Variants in MFAP1 observed in about 807,000 individuals in gnomAD.
The protein encoded by MFAP1 is microfibrillar-associated protein 1.
Under a neutral mutation model 62.2 loss-of-function variants are expected in MFAP1, and 18 were observed. That is an observed-to-expected ratio of 0.29 (90% CI 0.20 to 0.43). The LOEUF is 0.43. MFAP1 is among the 20% of genes least tolerant of loss of function. MFAP1 has a pLI of 1.00. For synonymous variants in MFAP1, 175 were observed against 180.4 expected, an observed-to-expected ratio of 0.97 and a Z score of 0.24; for missense variants, 355 against 559.7, an observed-to-expected ratio of 0.63 and a Z score of 3.69.
rs201104442 is a variant in MFAP1 at position 43,805,103 on chromosome 15, T to C, written c.1311A>G (p.Lys437=). ...AATAAGCAGTTGGACCCTAGGTAGT[T>C]TTCCGCTTCTTGGCAGATGGCCGCT... ...VFERPSAKKR[K]TT Residue 437 remains lysine (K), a synonymous_variant, in exon 9 of 9, where the codon AAA becomes AAG. Coordinates refer to ENST00000267812, the MANE Select transcript of MFAP1 (RefSeq NM_005926.3). 3.2e-6 allele frequency: 5 copies of C among 1,582,946 alleles called. No homozygotes were observed. The highest frequency in any genetic ancestry group is 4.3e-6 in the Non-Finnish European group (5 of 1,155,824).
chr15:43,814,599 A>C lies in MFAP1; in HGVS notation c.519T>G (p.Gly173=). The C allele has an allele frequency of 6.2e-7, 1 of 1,613,706 alleles. No homozygotes were observed. Residue 173 remains glycine (G), a synonymous_variant, in exon 4 of 9, where the codon GGT becomes GGG. Transcript: ENST00000267812. ...CTGATTCTGACTCCTCTCCAGAACG[A>C]CCCTCATCTTCCACTTCCATGACTT... is the stretch of plus-strand genomic sequence containing the variant. The part of the protein sequence containing the change: ...EMEVMEVEDE[G]RSGEESESES...
At chr15:43,808,299 G>C (rs539682790) in intron 7 of MFAP1, among the ~76,000 whole-genome samples, 5 of 152,256 alleles carry the variant, frequency 3.3e-5, no homozygotes, top group East Asian at 1.9e-4. Context: ...TCAACCTCTC[G>C]GGCTGAAGCA....
At chr15:43,812,900 C>G in intron 6 of MFAP1, 87 bp downstream of exon 6, 1 of 1,461,596 alleles carries the variant, frequency 6.8e-7, no homozygotes, top group Non-Finnish European at 9.3e-7. Context: ...TAGAATGGAA[C>G]TCACAGTAGG....
chr15:43,807,638 G>A (rs1036880115), intron 7 of MFAP1, among the ~76,000 whole-genome samples: 11 of 151,600 alleles, frequency 7.3e-5, no homozygotes, highest in South Asian at 2.1e-4. Context: ...GTGAGCCACC[G>A]CGCCCGGCCC....
intron 1 of MFAP1, among the ~76,000 whole-genome samples, chr15:43,817,843 A>C (rs2087443712): frequency 6.6e-6 from 1 of 152,210 alleles, no homozygotes; most frequent in Non-Finnish European, 1.5e-5. Flanking sequence ...TAATTTCTGC[A>C]GGAACATAAA....
chr15:43,814,440 T>G lies in MFAP1; in HGVS notation c.617+61A>C, dbSNP rs1023665658. The G allele has an allele frequency of 2.7e-6, 4 of 1,507,602 alleles. No individual in the cohort carries two copies. In the African/African-American group the frequency reaches 5.6e-5, roughly 21 times the overall value. The allele number at this position is 1,507,602 out of a possible 1,614,324, so 93.4% of individuals were successfully genotyped here. A position where few individuals can be genotyped will look rare whatever the true frequency, so the allele number is the denominator to read the frequency against. ...AATAGCAAGACAGAAAACAGACTTT[T>G]GTCTCCAGGCCTGGAAAGTGGTAAT... On this transcript the variant is annotated intron_variant, in intron 4 of 8. Transcript: ENST00000267812.
chr15:43,820,649 A>C (rs913775140), intron 1 of MFAP1, among the ~76,000 whole-genome samples: 3 of 152,188 alleles, frequency 2.0e-5, no homozygotes, highest in Non-Finnish European at 4.4e-5. Flanking sequence ...TCTGTTGCCT[A>C]GGGTGGAGTG....
intron 7 of MFAP1, among the ~76,000 whole-genome samples, chr15:43,808,890 CAG>C (rs2087381587): frequency 6.6e-6 from 1 of 152,212 alleles, no homozygotes; most frequent in East Asian, 1.9e-4. Flanking sequence ...ACAGGGTTAA[CAG>C]ATTGCTATTT....
At chr15:43,812,908 A>G in intron 6 of MFAP1, 79 bp downstream of exon 6, 1 of 1,479,670 alleles carries the variant, frequency 6.8e-7, no homozygotes, top group South Asian at 1.3e-5. Flanking sequence ...AACTCACAGT[A>G]GGTAATGAGT....
intron 1 of MFAP1, among the ~76,000 whole-genome samples, chr15:43,821,452 G>A (rs1388336288): frequency 6.6e-6 from 1 of 152,040 alleles, no homozygotes; most frequent in Admixed American, 6.6e-5. Context: ...GATGGGGGCG[G>A]GGAAGGAGGG....
intron 7 of MFAP1, among the ~76,000 whole-genome samples, chr15:43,809,352 A>T (rs967224766): frequency 2.0e-5 from 3 of 151,386 alleles, no homozygotes; most frequent in Non-Finnish European, 2.9e-5. Flanking sequence ...AAAAAAAAAA[A>T]GCCAGGCATG....
chr15:43,804,929 AC>A lies in MFAP1; in HGVS notation c.*164del, dbSNP rs1463820848. ...TGTGGGTTTCTCAGCATGAGTCCAA[AC>A]CTCACAAAGCACCTTCAAAGTCTGG... On this transcript the variant is annotated 3_prime_UTR_variant, in exon 9 of 9. Coordinates refer to ENST00000267812, the MANE Select transcript of MFAP1 (RefSeq NM_005926.3). 1.7e-5 allele frequency: 12 copies of A among 712,326 alleles called. No homozygotes were observed. Among genetic ancestry groups the A allele is most frequent in the Middle Eastern group, 2.9e-4 (1 of 3,392 alleles). 44.1% of individuals were successfully genotyped at this position (712,326 alleles called of 1,614,324 possible).
Position 43,806,597 on chromosome 15 carries a change from G to A in MFAP1, c.1048-1132C>T, listed in dbSNP as rs780101600. ...ATTAAATGAATACAACACCTAGGCT[G>A]GGCGCAGTGGCTCACGCCCGTAATC... On this transcript the variant is annotated intron_variant, in intron 7 of 8. Coordinates refer to ENST00000267812, the MANE Select transcript of MFAP1 (RefSeq NM_005926.3). Among the ~76,000 whole-genome samples the A allele has an allele frequency of 4.6e-5, 7 of 152,234 alleles. 1 individual carries two copies. The highest frequency in any genetic ancestry group is 1.3e-4 in the Admixed American group (2 of 15,282).
At chr15:43,813,445 A>G (rs2087415535) in intron 4 of MFAP1, 88 bp from the exon 5 acceptor site, 1 of 1,225,618 alleles carries the variant, frequency 8.2e-7, no homozygotes, top group South Asian at 1.6e-5. Flanking sequence ...AAATCAGACA[A>G]AAACCAAACA....
intron 4 of MFAP1, among the ~76,000 whole-genome samples, chr15:43,813,799 C>T (rs1197559538): frequency 1.3e-5 from 2 of 151,482 alleles, no homozygotes; most frequent in Non-Finnish European, 1.5e-5. Flanking sequence ...CGTGAGCCAC[C>T]GTGCCCAGCC....
At position 43,804,966 on chromosome 15, in the gene MFAP1, A is replaced by G. The variant is rs2141703098; in HGVS notation, c.*128T>C. The G allele has an allele frequency of 1.9e-6, 2 of 1,037,528 alleles. No individual in the cohort carries two copies. Among genetic ancestry groups the G allele is most frequent in the Admixed American group, 4.9e-5 (2 of 41,236 alleles). 64.3% of individuals were successfully genotyped at this position (1,037,528 alleles called of 1,614,324 possible). ...ACCTTCAAAGTCTGGGCTACCCAGT[A>G]TCACAAGTATAGCAGTAAGTCCAAT... On this transcript the variant is annotated 3_prime_UTR_variant, in exon 9 of 9. Transcript: ENST00000267812.
At chr15:43,819,513 A>AC (rs2058212877) in intron 1 of MFAP1, among the ~76,000 whole-genome samples, 1 of 152,128 alleles carries the variant, frequency 6.6e-6, no homozygotes, top group African/African-American at 2.4e-5. Flanking sequence ...ATAAAACAAT[A>AC]GAAACATTCT....
chr15:43,805,165 A>C lies in MFAP1; in HGVS notation c.1249T>G (p.Phe417Val). ...GQESAQNTKF[F>V]KQKAAGVRDV... ...CGTACCCCAGCTGCCTTTTGTTTGAAGAACTTTGTGTTCTGGGCACTCTCT... is the reference window on the plus strand; with the variant it reads ...CGTACCCCAGCTGCCTTTTGTTTGACGAACTTTGTGTTCTGGGCACTCTCT... Residue 417 changes from phenylalanine to valine, a missense_variant, in exon 9 of 9, where the codon TTC becomes GTC. Physicochemically the swap from Phe to Val is conservative, Grantham distance 50. Transcript: ENST00000267812. 2 of 1,603,192 alleles carry C rather than the reference A, an allele frequency of 1.2e-6. No individual in the cohort carries two copies. Among genetic ancestry groups the C allele is most frequent in the African/African-American group, 1.3e-5 (1 of 74,872 alleles).
Position 43,824,632 on chromosome 15 carries a change from G to A in MFAP1, c.-63C>T. ...ATTCCAAACAGTGAACACCAGCAAC[G>A]TCAACGAAGAGAAGAAATTCCTTCC... is the stretch of plus-strand genomic sequence containing the variant. On this transcript the variant is annotated 5_prime_UTR_variant, in exon 1 of 9. The change creates a new upstream start codon in the 5' untranslated region. Coordinates refer to ENST00000267812, the MANE Select transcript of MFAP1 (RefSeq NM_005926.3). The A allele has an allele frequency of 6.5e-7, 1 of 1,546,258 alleles. No homozygotes were observed. Among genetic ancestry groups the A allele is most frequent in the East Asian group, 2.3e-5 (1 of 44,392 alleles).
Sources: gnomAD v4.1 joint callset for allele counts (sites outside exome capture counted in the v4.1 genomes callset) on GRCh38, gnomAD v4.1.1 for gene constraint, MANE v1.5 for transcripts, NCBI Gene and HGNC (gene_info 2026-07-23, HGNC 2026-07-21) for gene names.